Variants in GC observed in about 807,000 individuals in gnomAD.
GC encodes vitamin D-binding protein.
Under a neutral mutation model 56.7 loss-of-function variants are expected in GC, and 43 were observed. The observed-to-expected ratio is 0.76, with a 90% CI of 0.59 to 0.98. GC has a LOEUF of 0.98. Among genes scored for constraint, GC ranks in the 50% least tolerant of loss-of-function variants. GC has a pLI of 0.00. For synonymous variants in GC, 216 were observed against 202.7 expected, an observed-to-expected ratio of 1.07 and a Z score of -0.56; for missense variants, 529 against 545.9, an observed-to-expected ratio of 0.97 and a Z score of 0.31.
At chr4:71,775,064 G>A (rs1345744549) in intron 1 of GC, among the ~76,000 whole-genome samples, 1 of 139,748 alleles carries the variant, frequency 7.2e-6, no homozygotes, top group Non-Finnish European at 1.5e-5. Flanking sequence ...GAAAAAGTTT[G>A]CAGGGTTTGG....
At chr4:71,804,374 C>A (rs111597755), upstream of GC, among the ~76,000 whole-genome samples, 26 of 152,270 alleles carry the variant, frequency 1.7e-4, 2 homozygotes, top group African/African-American at 6.3e-4. Flanking sequence ...GGGGAGCAGT[C>A]ACGCAGTGTG....
At chr4:71,770,839 T>C (rs1160926279) in intron 1 of GC, among the ~76,000 whole-genome samples, 4 of 152,158 alleles carry the variant, frequency 2.6e-5, no homozygotes, top group African/African-American at 9.7e-5. Context: ...CATGATGAAA[T>C]GACATTGGTA....
At chr4:71,761,488 A>G (rs1741972560) in intron 6 of GC, among the ~76,000 whole-genome samples, 1 of 152,184 alleles carries the variant, frequency 6.6e-6, no homozygotes, top group Non-Finnish European at 1.5e-5. Flanking sequence ...TCTGAGGAGA[A>G]ATTCAAGCTG....
chr4:71,768,116 A>G (rs188924451), intron 3 of GC, among the ~76,000 whole-genome samples, 185 bp downstream of exon 3: 16 of 152,342 alleles, frequency 1.1e-4, no homozygotes, highest in Admixed American at 1.0e-3. Context: ...CCTTGTAGGA[A>G]TAATGGGTAA....
intron 1 of GC, among the ~76,000 whole-genome samples, chr4:71,773,493 A>C (rs1742406006): frequency 6.6e-6 from 1 of 152,046 alleles, no homozygotes; most frequent in South Asian, 2.1e-4. Context: ...TCAATATTGA[A>C]TTTGAACTTA....
At chr4:71,798,999 G>A (rs1229764383) in intron 1 of GC, among the ~76,000 whole-genome samples, 2 of 152,106 alleles carry the variant, frequency 1.3e-5, no homozygotes, top group Admixed American at 1.3e-4. Flanking sequence ...TTGCAGATTT[G>A]GGAATCATTA....
intron 1 of GC, among the ~76,000 whole-genome samples, chr4:71,781,651 T>C (rs1026816395): frequency 2.6e-5 from 4 of 151,858 alleles, no homozygotes; most frequent in African/African-American, 9.7e-5. Context: ...ATATTGTATA[T>C]TAGTATTTCA....
At chr4:71,799,676 C>T (rs567587752) in intron 1 of GC, among the ~76,000 whole-genome samples, 11 of 152,236 alleles carry the variant, frequency 7.2e-5, no homozygotes, top group East Asian at 3.9e-4. Context: ...ACCAGACCAA[C>T]GTCTTGAAGA....
intron 1 of GC, among the ~76,000 whole-genome samples, chr4:71,801,687 A>G (rs1743257967): frequency 6.6e-6 from 1 of 152,202 alleles, no homozygotes; most frequent in Non-Finnish European, 1.5e-5. Flanking sequence ...CACAATTTTA[A>G]AATACCTAAA....
intron 1 of GC, among the ~76,000 whole-genome samples, chr4:71,771,898 T>C (rs1373599975): frequency 1.3e-5 from 2 of 152,136 alleles, no homozygotes; most frequent in African/African-American, 4.8e-5. Flanking sequence ...GTACTTACGA[T>C]GTCAAGAGTT....
intron 1 of GC, among the ~76,000 whole-genome samples, chr4:71,799,823 T>C (rs951007863): frequency 6.6e-6 from 1 of 152,100 alleles, no homozygotes; most frequent in Admixed American, 6.5e-5. Context: ...ATAGATTCAT[T>C]GGAGATGTAG....
Position 71,755,002 on chromosome 4 carries a change from G to A in GC, c.1140C>T (p.Asp380=). 2 of 1,593,428 alleles carry A rather than the reference G, an allele frequency of 1.3e-6. No individual in the cohort carries two copies. Among genetic ancestry groups the A allele is most frequent in the Non-Finnish European group, 1.7e-6 (2 of 1,172,456 alleles). The change falls in exon 9 of 13, where the codon GAC becomes GAT. Residue 380 remains aspartate (D), a synonymous_variant. Coordinates refer to ENST00000273951, the MANE Select transcript of GC (RefSeq NM_000583.4). Reference sequence around the variant, plus strand: ...CCTTAGCATTAAAACAGGTAGTTGAGTCTTCAACATCACAGCATTCACCAA... The same window carrying A: ...CCTTAGCATTAAAACAGGTAGTTGAATCTTCAACATCACAGCATTCACCAA... The part of the protein sequence containing the change: ...KSLGECCDVE[D]STTCFNAKGP...
chr4:71,765,669 C>CAT (rs762981708), intron 3 of GC, 26 bp from the exon 4 acceptor site: 16 of 1,361,896 alleles, frequency 1.2e-5, no homozygotes, highest in South Asian at 3.5e-5. Flanking sequence ...AAAGGAAACT[C>CAT]ATATATATAT....
In GC at chr4:71,769,262, A is replaced by C; in HGVS notation, c.128+69T>G. ...AAGGATTAACCTCCATGCTGAGTCAAAGTTACCTCACACTCAGTTTTGTTC... is the reference window on the plus strand; with the variant it reads ...AAGGATTAACCTCCATGCTGAGTCACAGTTACCTCACACTCAGTTTTGTTC... On this transcript the variant is annotated intron_variant, in intron 2 of 12. Transcript: ENST00000273951. The C allele has an allele frequency of 4.3e-6, 5 of 1,168,758 alleles. No homozygotes were observed. The Middle Eastern group carries it at 9.6e-4, about 223-fold the overall frequency. 72.4% of individuals were successfully genotyped at this position (1,168,758 alleles called of 1,614,324 possible).
At chr4:71,795,255 G>A (rs367564993) in intron 1 of GC, among the ~76,000 whole-genome samples, 3 of 152,256 alleles carry the variant, frequency 2.0e-5, no homozygotes, top group Non-Finnish European at 4.4e-5. Context: ...ATTGACAGTG[G>A]CATGTTAAAG....
At chr4:71,754,610 G>A (rs1741656657) in intron 9 of GC, 102 bp from the exon 10 acceptor site, 1 of 711,714 alleles carries the variant, frequency 1.4e-6, no homozygotes, top group South Asian at 1.6e-5. Flanking sequence ...TTAAGCATTG[G>A]CAACTATTTT....
chr4:71,746,185 ATTC>A lies in GC; in HGVS notation c.1413_1415del (p.Lys471del). ...TAAACATGCTTCAGGACTACAGGAT[ATTC>A]TTCAATTCAGCATCAATCTGATAAT... On this transcript the variant is annotated inframe_deletion, in exon 12 of 13. Transcript: ENST00000273951. 7.5e-7 allele frequency: 1 copy of A among 1,340,468 alleles called. No homozygotes were observed. The highest frequency in any genetic ancestry group is 1.2e-5 in the South Asian group (1 of 84,606). 83.0% of individuals were successfully genotyped at this position (1,340,468 alleles called of 1,614,324 possible). A position where few individuals can be genotyped will look rare whatever the true frequency, so the allele number is the denominator to read the frequency against.
At chr4:71,752,746 A>G (rs1296827452) in intron 10 of GC, 96 bp from the exon 11 acceptor site, 3 of 1,107,168 alleles carry the variant, frequency 2.7e-6, no homozygotes, top group Non-Finnish European at 4.0e-6. Context: ...TTTTACAATA[A>G]AAATGAAAAT....
chr4:71,766,771 C>A (rs1425293286), intron 3 of GC, among the ~76,000 whole-genome samples: 1 of 152,032 alleles, frequency 6.6e-6, no homozygotes, highest in East Asian at 1.9e-4. Flanking sequence ...CATCTTTTTC[C>A]TTTCCATTCA....
Sources: allele counts gnomAD v4.1 joint callset (sites outside exome capture counted in the v4.1 genomes callset), GRCh38; gene constraint gnomAD v4.1.1; transcripts MANE v1.5; gene names NCBI Gene and HGNC (gene_info 2026-07-23, HGNC 2026-07-21).